VPS16: variants seen among roughly 807,000 people sequenced by gnomAD.
VPS16 encodes VPS16 core subunit of CORVET and HOPS complexes, also known as vacuolar protein sorting-associated protein 16 homolog.
Under a neutral mutation model 116.0 loss-of-function variants are expected in VPS16, and 82 were observed. The observed-to-expected ratio is 0.71, with a 90% CI of 0.59 to 0.85. VPS16 has a LOEUF of 0.85. Ranked by LOEUF, VPS16 falls within the 40% of genes least tolerant of loss-of-function variation. VPS16 has a pLI of 0.00. For missense variants in VPS16, 928 were observed against 1,090.6 expected (o/e 0.85, Z 2.10); for synonymous variants, 406 against 420.7 (o/e 0.96, Z 0.43).
rs767709899 is a variant in VPS16, at chr20:2,864,596, A to G, written c.1868A>G (p.Asp623Gly). 6.2e-7 allele frequency: 1 copy of G among 1,614,126 alleles called. No individual in the cohort carries two copies. The highest frequency in any genetic ancestry group is 2.2e-5 in the East Asian group (1 of 44,868). ...ACGCTGAAGGACCTTTACAATCAGG[A>G]TGACAATCACCAGGAATTGGGCAGC... ...LETLKDLYNQ[D>G]DNHQELGSFH... is the part of the protein sequence containing the mutation. Residue 623 changes from aspartate (D) to glycine (G), a missense_variant, in exon 19 of 24, where the codon GAT becomes GGT. Asp to Gly is a moderately conservative substitution (Grantham distance 94). Transcript: ENST00000380445. The surrounding 1 kb of genome is among the most constrained non-coding windows in gnomAD (Gnocchi z 5.2).
chr20:2,840,903 C>A, intron 1 of VPS16, 76 bp downstream of exon 1: 1 of 1,328,734 alleles, frequency 7.5e-7, no homozygotes, highest in Non-Finnish European at 1.0e-6. Flanking sequence ...CGGCGGCGTT[C>A]GCCCCTGTCA....
At chr20:2,846,264 C>T (rs1471224614) in intron 1 of VPS16, among the ~76,000 whole-genome samples, 13 of 151,806 alleles carry the variant, frequency 8.6e-5, no homozygotes, top group South Asian at 2.1e-4. Context: ...TTACAGGCAC[C>T]CACCACTGTG....
At chr20:2,843,290 G>A (rs933312361) in intron 1 of VPS16, among the ~76,000 whole-genome samples, 1 of 151,978 alleles carries the variant, frequency 6.6e-6, no homozygotes, top group Non-Finnish European at 1.5e-5. Flanking sequence ...AAATTTGCCG[G>A]GCGTGGTGGC....
At position 2,858,384 on chromosome 20, in the gene VPS16, G is replaced by A. The variant is rs114196224; in HGVS notation, c.54-1335G>A. Among the ~76,000 whole-genome samples, 417 of 152,198 alleles carry A rather than the reference G, an allele frequency of 2.7e-3. 3 individuals carry two copies. Among genetic ancestry groups the A allele is most frequent in the African/African-American group, 9.5e-3 (393 of 41,526 alleles). On this transcript the variant is annotated intron_variant, in intron 1 of 23. Coordinates refer to ENST00000380445, the MANE Select transcript of VPS16 (RefSeq NM_022575.4). ...GGCCCCCTAAAGTGCTCAGATTACA[G>A]GCATGAGCCACCTCACTCCTTACTT...
Position 2,864,029 on chromosome 20 carries a change from C to T in VPS16, c.1557C>T (p.Tyr519=), listed in dbSNP as rs751571585. The T allele has an allele frequency of 1.9e-6, 3 of 1,614,186 alleles. No homozygotes were observed. Among genetic ancestry groups the T allele is most frequent in the Non-Finnish European group, 2.5e-6 (3 of 1,180,024 alleles). The part of the protein sequence containing the change: ...QKLGDTPGVS[Y]SDIAARAYGC... ...TGGGGGACACGCCTGGTGTCTCTTA[C>T]TCCGACATTGCTGCACGAGCCTATG... Residue 519 remains tyrosine, a synonymous_variant, in exon 16 of 24, where the codon TAC becomes TAT. Transcript: ENST00000380445. This position sits in a 1 kb window ranked among gnomAD's most constrained non-coding sequence, Gnocchi z 5.2.
chr20:2,854,720 C>G (rs1057052373), intron 1 of VPS16, among the ~76,000 whole-genome samples: 1 of 148,926 alleles, frequency 6.7e-6, no homozygotes, highest in Non-Finnish European at 1.5e-5. Flanking sequence ...TGCTTGAACC[C>G]GGGAGGTGGA....
At chr20:2,859,603 A>T in intron 1 of VPS16, 116 bp from the exon 2 acceptor site, 1 of 1,200,892 alleles carries the variant, frequency 8.3e-7, no homozygotes, top group Non-Finnish European at 1.2e-6. Flanking sequence ...TAGAGAGTGG[A>T]GACTTCCTCT....
chr20:2,858,516 A>G (rs1164713334), intron 1 of VPS16, among the ~76,000 whole-genome samples: 2 of 152,158 alleles, frequency 1.3e-5, no homozygotes, highest in African/African-American at 2.4e-5. Flanking sequence ...TATGTTGGCT[A>G]GAACCACAAC....
chr20:2,866,147 C>T (rs1259294337), intron 22 of VPS16, 65 bp from the exon 23 acceptor site: 9 of 1,453,776 alleles, frequency 6.2e-6, no homozygotes, highest in Admixed American at 3.6e-5. Context: ...CGCCTCTGCT[C>T]GTAAGAGAGA....
rs373961215 is a variant in VPS16, at chr20:2,860,187, G to A, written c.240+36G>A. The A allele has an allele frequency of 4.3e-6, 7 of 1,613,810 alleles. No individual in the cohort carries two copies. The African/African-American group carries it at 8.0e-5, about 18-fold the overall frequency. Reference sequence around the variant, plus strand: ...CTGATGGTCCCTGGGGCTCAGGGCTGGACAGGGTTTCCTCACCTGAGGACA... The same window carrying A: ...CTGATGGTCCCTGGGGCTCAGGGCTAGACAGGGTTTCCTCACCTGAGGACA... On this transcript the variant is annotated intron_variant, in intron 3 of 23. Transcript: ENST00000380445. The surrounding 1 kb of genome is among the most constrained non-coding windows in gnomAD (Gnocchi z 6.1).
intron 7 of VPS16, 62 bp downstream of exon 7, chr20:2,861,154 A>T: frequency 1.2e-6 from 2 of 1,614,172 alleles, no homozygotes; most frequent in Non-Finnish European, 1.7e-6. Context: ...TCTTTTGGTG[A>T]TGCGGGAGGG....
At chr20:2,852,591 T>G (rs6051434) in intron 1 of VPS16, among the ~76,000 whole-genome samples, 72,026 of 152,090 alleles carry the variant, frequency 0.47, 19,294 homozygotes, top group African/African-American at 0.73. Context: ...TACAACAATA[T>G]AATGAATATT....
rs1172597079 is a variant in VPS16 at position 2,863,839 on chromosome 20, AGAAG to A, written c.1477-104_1477-101del. ...GAAGAAAGAGAGAAAGAAAGAAAGA[AGAAG>A]GAAGGGAGGGAGGAAGGGAACTGAA... On this transcript the variant is annotated intron_variant, in intron 15 of 23. Coordinates refer to ENST00000380445, the MANE Select transcript of VPS16 (RefSeq NM_022575.4). The surrounding 1 kb of genome is among the most constrained non-coding windows in gnomAD (Gnocchi z 4.4). 7 of 1,421,078 alleles carry A rather than the reference AGAAG, an allele frequency of 4.9e-6. No individual in the cohort carries two copies. Among genetic ancestry groups the A allele is most frequent in the South Asian group, 1.4e-5 (1 of 73,680 alleles). The allele number at this position is 1,421,078 out of a possible 1,614,324, so 88.0% of individuals were successfully genotyped here.
At chr20:2,850,254 G>A (rs1417123537) in intron 1 of VPS16, among the ~76,000 whole-genome samples, 1 of 152,212 alleles carries the variant, frequency 6.6e-6, no homozygotes, top group Non-Finnish European at 1.5e-5. Flanking sequence ...AACCTTGGAG[G>A]CAGAGGTTGC....
At chr20:2,849,888 G>C (rs1470149141) in intron 1 of VPS16, among the ~76,000 whole-genome samples, 3 of 152,208 alleles carry the variant, frequency 2.0e-5, no homozygotes, top group Non-Finnish European at 4.4e-5. Flanking sequence ...TATAGCATCA[G>C]TTTTCCATTG....
At chr20:2,845,244 T>C (rs1406623715) in intron 1 of VPS16, among the ~76,000 whole-genome samples, 4 of 151,984 alleles carry the variant, frequency 2.6e-5, no homozygotes, top group African/African-American at 9.7e-5. Context: ...TCGTAATGAC[T>C]GCACTTGGTG....
Position 2,863,207 on chromosome 20 carries a change from G to A in VPS16, c.1368-83G>A. On this transcript the variant is annotated intron_variant, in intron 14 of 23. Coordinates refer to ENST00000380445, the MANE Select transcript of VPS16 (RefSeq NM_022575.4). The surrounding 1 kb of genome is among the most constrained non-coding windows in gnomAD (Gnocchi z 4.4). Reference sequence around the variant, plus strand: ...CTCCTGACCTATCTAGGATGTGGGAGGCCTGATGTGCAGGCTGAGGCCACT... The same window carrying A: ...CTCCTGACCTATCTAGGATGTGGGAAGCCTGATGTGCAGGCTGAGGCCACT... 11 of 1,609,674 alleles carry A rather than the reference G, an allele frequency of 6.8e-6. No individual in the cohort carries two copies. In the South Asian group the frequency reaches 9.9e-5, roughly 14 times the overall value.
At chr20:2,861,973 C>T in intron 10 of VPS16, 74 bp downstream of exon 10, 1 of 1,604,054 alleles carries the variant, frequency 6.2e-7, no homozygotes, top group South Asian at 1.1e-5. Context: ...TGGGCCAGTG[C>T]CACAGAGCAG....
chr20:2,859,991 A>C, intron 2 of VPS16, 63 bp from the exon 3 acceptor site: 1 of 1,601,950 alleles, frequency 6.2e-7, no homozygotes, highest in Non-Finnish European at 8.5e-7. Flanking sequence ...CCAGGATGTG[A>C]GGCCTGCTTC....
Sources: gnomAD v4.1 joint callset for allele counts (sites outside exome capture counted in the v4.1 genomes callset) on GRCh38, gnomAD v4.1.1 for gene constraint, Gnocchi (gnomAD v3.1) non-coding constraint, MANE v1.5 for transcripts, NCBI Gene and HGNC (gene_info 2026-07-23, HGNC 2026-07-21) for gene names.